The following FCHSD2 variants were observed in gnomAD, a reference collection of about 807,000 sequenced individuals.
The protein encoded by FCHSD2 is FCH and double SH3 domains 2.
A neutral mutation model predicts 108.1 loss-of-function variants in FCHSD2; 38 were observed. The ratio of observed to expected loss-of-function variants is 0.35; its 90% confidence interval spans 0.27 to 0.46. The LOEUF (loss-of-function observed/expected upper bound fraction) is 0.46, where lower values mean the gene tolerates loss of function less well. FCHSD2 is among the 20% of genes least tolerant of loss of function. FCHSD2 has a pLI of 1.00. For synonymous variants in FCHSD2, 279 were observed against 314.7 expected, an observed-to-expected ratio of 0.89 and a Z score of 1.20; for missense variants, 751 against 897.8, an observed-to-expected ratio of 0.84 and a Z score of 2.09.
chr11:73,049,684 T>TAA (rs557262661), intron 3 of FCHSD2, among the ~76,000 whole-genome samples: 63 of 75,658 alleles, frequency 8.3e-4, no homozygotes, highest in South Asian at 2.7e-3. Flanking sequence ...TAGAGTATAA[T>TAA]AAAAAAAAAA....
chr11:73,083,603 G>A (rs1177430613), intron 3 of FCHSD2, 92 bp downstream of exon 3: 1 of 710,142 alleles, frequency 1.4e-6, no homozygotes, highest in Non-Finnish European at 2.4e-6. Flanking sequence ...GGAAGGCATA[G>A]GGATAATATG....
At chr11:72,962,821 GAGTC>G (rs1409324982) in intron 8 of FCHSD2, among the ~76,000 whole-genome samples, 1 of 151,618 alleles carries the variant, frequency 6.6e-6, no homozygotes, top group Non-Finnish European at 1.5e-5. Flanking sequence ...TAAGCAATTA[GAGTC>G]AATAGATTAC....
At chr11:72,901,998 C>T (rs886465558) in intron 10 of FCHSD2, among the ~76,000 whole-genome samples, 15 of 151,996 alleles carry the variant, frequency 9.9e-5, no homozygotes, top group African/African-American at 3.6e-4. Flanking sequence ...CTTTAGCCTC[C>T]TGAGTAGCTG....
chr11:72,885,594 T>C (rs1046209440), intron 12 of FCHSD2, among the ~76,000 whole-genome samples: 2 of 152,092 alleles, frequency 1.3e-5, no homozygotes, highest in Non-Finnish European at 2.9e-5. Context: ...ATACCATGCA[T>C]GGGGTCTGGA....
intron 8 of FCHSD2, chr11:72,941,120 A>T (rs1460395918): frequency 1.0e-5 from 5 of 495,668 alleles, no homozygotes; most frequent in East Asian, 6.6e-5. Context: ...TAATATAAGT[A>T]AAGTTTGTAA....
intron 5 of FCHSD2, among the ~76,000 whole-genome samples, chr11:72,994,510 T>A (rs1414985405): frequency 6.6e-6 from 1 of 152,242 alleles, no homozygotes; most frequent in Non-Finnish European, 1.5e-5. Flanking sequence ...TGATACCATT[T>A]ACTATGGAAC....
At chr11:72,931,679 T>C (rs1189688280) in intron 8 of FCHSD2, among the ~76,000 whole-genome samples, 2 of 151,848 alleles carry the variant, frequency 1.3e-5, no homozygotes, top group African/African-American at 4.8e-5. Flanking sequence ...TTAGGAGAAT[T>C]GCTTGGACCC....
At chr11:73,109,581 T>C (rs1860433515) in intron 2 of FCHSD2, among the ~76,000 whole-genome samples, 1 of 152,208 alleles carries the variant, frequency 6.6e-6, no homozygotes, top group Non-Finnish European at 1.5e-5. Flanking sequence ...GCAAATTTAC[T>C]GAATTTAATG....
chr11:73,113,353 C>CTTTTTTTTTTTTT, intron 2 of FCHSD2, among the ~76,000 whole-genome samples: 1 of 29,892 alleles, frequency 3.3e-5, no homozygotes, highest in Non-Finnish European at 6.2e-5. Context: ...CCAAGATGGT[C>CTTTTTTTTTTTTT]TTTTTTTTTT....
chr11:73,102,291 T>C (rs544586336), intron 2 of FCHSD2, among the ~76,000 whole-genome samples: 56 of 152,280 alleles, frequency 3.7e-4, no homozygotes, highest in African/African-American at 1.3e-3. Context: ...CTAAATAATA[T>C]AGATAGACTC....
chr11:73,009,515 GA>G (rs1857815255), intron 4 of FCHSD2, among the ~76,000 whole-genome samples: 2 of 152,144 alleles, frequency 1.3e-5, no homozygotes, highest in African/African-American at 4.8e-5. Flanking sequence ...AGTCATACTA[GA>G]AAAAATTAAA....
At chr11:73,007,132 T>C (rs983966160) in intron 4 of FCHSD2, among the ~76,000 whole-genome samples, 1 of 152,250 alleles carries the variant, frequency 6.6e-6, no homozygotes, top group Non-Finnish European at 1.5e-5. Context: ...AACTAAAATA[T>C]ATGTATCTTA....
chr11:72,897,114 T>C (rs1855437070), intron 10 of FCHSD2, among the ~76,000 whole-genome samples: 1 of 151,868 alleles, frequency 6.6e-6, no homozygotes, highest in Admixed American at 6.6e-5. Context: ...ATTACAGGCG[T>C]GAGCCACCAC....
intron 3 of FCHSD2, among the ~76,000 whole-genome samples, chr11:73,041,155 T>A (rs750968277): frequency 1.1e-3 from 175 of 152,234 alleles, no homozygotes; most frequent in Non-Finnish European, 1.9e-3. Flanking sequence ...GTTGATTCCA[T>A]AACTTGGCTA....
chr11:73,000,843 AT>A, intron 5 of FCHSD2, 146 bp downstream of exon 5: 1 of 648,676 alleles, frequency 1.5e-6, no homozygotes, highest in Non-Finnish European at 2.6e-6. Flanking sequence ...TAATGAGAAC[AT>A]GTTGAAATCA....
At chr11:73,135,688 T>C (rs1354349046) in intron 2 of FCHSD2, among the ~76,000 whole-genome samples, 1 of 152,194 alleles carries the variant, frequency 6.6e-6, no homozygotes, top group Non-Finnish European at 1.5e-5. Context: ...CCACAAAGCA[T>C]GGAATGTCCC....
chr11:73,100,665 C>T (rs1055673694), intron 2 of FCHSD2, among the ~76,000 whole-genome samples: 6 of 152,018 alleles, frequency 3.9e-5, no homozygotes, highest in African/African-American at 1.4e-4. Flanking sequence ...GATCGGCCTA[C>T]ATACATTTTA....
chr11:72,885,087 T>C (rs1285134343), intron 12 of FCHSD2, among the ~76,000 whole-genome samples: 3 of 152,214 alleles, frequency 2.0e-5, no homozygotes, highest in African/African-American at 2.4e-5. Context: ...GAAACCATTA[T>C]TGTTAATTCC....
intron 3 of FCHSD2, among the ~76,000 whole-genome samples, chr11:73,045,501 G>C (rs979606667): frequency 6.6e-6 from 1 of 151,988 alleles, no homozygotes; most frequent in African/African-American, 2.4e-5. Flanking sequence ...CACCATAGCA[G>C]AGACTTGGAA....
Sources: allele counts gnomAD v4.1 joint callset (sites outside exome capture counted in the v4.1 genomes callset), GRCh38; gene constraint gnomAD v4.1.1; transcripts MANE v1.5; gene names NCBI Gene and HGNC (gene_info 2026-07-23, HGNC 2026-07-21).